Variants in AOAH observed in about 807,000 individuals in gnomAD.
AOAH encodes the protein acyloxyacyl hydrolase (neutrophil).
In AOAH, 64 loss-of-function variants were observed where a neutral mutation model predicts 92.2. The observed-to-expected ratio is 0.69, with a 90% CI of 0.57 to 0.86. The LOEUF (loss-of-function observed/expected upper bound fraction) is 0.86. AOAH is among the 40% of genes least tolerant of loss of function. The pLI, the probability that AOAH is intolerant of heterozygous loss-of-function variation, is 0.00. For missense variants in AOAH, 656 were observed against 694.6 expected, an observed-to-expected ratio of 0.94 and a Z score of 0.62; for synonymous variants, 263 against 254.5, an observed-to-expected ratio of 1.03 and a Z score of -0.32.
intron 3 of AOAH, among the ~76,000 whole-genome samples, chr7:36,660,187 C>T (rs1795126118): frequency 6.6e-6 from 1 of 152,232 alleles, no homozygotes; most frequent in Admixed American, 6.5e-5. Context: ...AGCCCACTTG[C>T]ACCCAAGTGA....
chr7:36,632,191 G>A, intron 5 of AOAH, 85 bp from the exon 6 acceptor site: 2 of 1,135,116 alleles, frequency 1.8e-6, no homozygotes, highest in South Asian at 2.9e-5. Context: ...TGAACTTGAG[G>A]TTTCTGGATC....
chr7:36,608,342 AG>A (rs1791155257), intron 11 of AOAH, among the ~76,000 whole-genome samples: 1 of 152,136 alleles, frequency 6.6e-6, no homozygotes, highest in Admixed American at 6.5e-5. Context: ...TTGATTCTGG[AG>A]ATAAGTGACA....
intron 12 of AOAH, among the ~76,000 whole-genome samples, chr7:36,587,483 C>T (rs1038408507): frequency 6.6e-6 from 1 of 151,930 alleles, no homozygotes; most frequent in African/African-American, 2.4e-5. Context: ...TCTTTAATAC[C>T]TTGTTACGTT....
At chr7:36,657,708 A>G (rs1794973426) in intron 4 of AOAH, among the ~76,000 whole-genome samples, 1 of 152,182 alleles carries the variant, frequency 6.6e-6, no homozygotes, top group Non-Finnish European at 1.5e-5. Flanking sequence ...TTCCCACATG[A>G]AATCCTCCAA....
At chr7:36,711,746 C>T (rs1410774241) in intron 1 of AOAH, among the ~76,000 whole-genome samples, 1 of 152,128 alleles carries the variant, frequency 6.6e-6, no homozygotes, top group African/African-American at 2.4e-5. Context: ...CTGCCTGGCC[C>T]ATGAGGGTGG....
In AOAH at chr7:36,638,552, AAAGAACACTGTGTTTGTCTATT is replaced by A. The variant is rs577288076; in HGVS notation, c.391-664_391-643del. ...CCAGTAATGATTGCTGTGAAACTCC[AAAGAACACTGTGTTTGTCTATT>A]TGTGGAGGGGTGGGAGAAGAGTAAC... On this transcript the variant is annotated intron_variant, in intron 4 of 20. Coordinates refer to ENST00000617537, the MANE Select transcript of AOAH (RefSeq NM_001637.4). 7.2e-5 allele frequency among the ~76,000 whole-genome samples: 11 copies of A among 152,328 alleles called. No individual in the cohort carries two copies. The South Asian group carries it at 2.1e-3, about 29-fold the overall frequency.
chr7:36,665,592 G>C (rs1795480807), intron 3 of AOAH, among the ~76,000 whole-genome samples: 1 of 152,120 alleles, frequency 6.6e-6, no homozygotes, highest in African/African-American at 2.4e-5. Flanking sequence ...GAAAAGAGTG[G>C]TGAGAGAAGC....
chr7:36,627,159 A>G (rs538719287), intron 6 of AOAH, among the ~76,000 whole-genome samples: 1 of 152,162 alleles, frequency 6.6e-6, no homozygotes, highest in Non-Finnish European at 1.5e-5. Flanking sequence ...TAGGAGCTTG[A>G]CATGGGTAAG....
chr7:36,523,998 G>A (rs890426225), intron 19 of AOAH, among the ~76,000 whole-genome samples: 2 of 151,932 alleles, frequency 1.3e-5, no homozygotes, highest in South Asian at 2.1e-4. Context: ...AATCAGCAAC[G>A]ATGCAGAAAG....
At chr7:36,654,901 CTTAACTTCTCCAA>C (rs1329497017) in intron 4 of AOAH, among the ~76,000 whole-genome samples, 1 of 152,208 alleles carries the variant, frequency 6.6e-6, no homozygotes, top group East Asian at 1.9e-4. Flanking sequence ...GGGAAAATCC[CTTAACTTCTCCAA>C]GTCTCAAAAT....
intron 1 of AOAH, among the ~76,000 whole-genome samples, chr7:36,688,957 A>T (rs1389159146): frequency 6.6e-6 from 1 of 152,122 alleles, no homozygotes; most frequent in African/African-American, 2.4e-5. Flanking sequence ...ACACATATGT[A>T]TGTGTATATA....
At chr7:36,634,443 T>C (rs1210442636) in intron 5 of AOAH, among the ~76,000 whole-genome samples, 1 of 152,184 alleles carries the variant, frequency 6.6e-6, no homozygotes, top group Non-Finnish European at 1.5e-5. Flanking sequence ...ACGTACCCCC[T>C]GCTTGCTCAA....
At chr7:36,680,432 T>C (rs1562690375) in intron 2 of AOAH, among the ~76,000 whole-genome samples, 1 of 152,244 alleles carries the variant, frequency 6.6e-6, no homozygotes, top group Non-Finnish European at 1.5e-5. Flanking sequence ...AATACTTCAC[T>C]GAAAAATAAT....
chr7:36,616,002 C>A (rs1186026803), intron 11 of AOAH, among the ~76,000 whole-genome samples: 1 of 152,182 alleles, frequency 6.6e-6, no homozygotes, highest in Non-Finnish European at 1.5e-5. Context: ...AGGAGCCGAG[C>A]AGCCTGCTCT....
intron 4 of AOAH, among the ~76,000 whole-genome samples, chr7:36,644,094 G>A (rs1007297240): frequency 2.0e-5 from 3 of 152,234 alleles, no homozygotes; most frequent in African/African-American, 7.2e-5. Flanking sequence ...CTGTTACAAT[G>A]TAGGAGAGAA....
intron 6 of AOAH, among the ~76,000 whole-genome samples, chr7:36,623,948 A>G (rs1792460082): frequency 6.6e-6 from 1 of 152,218 alleles, no homozygotes; most frequent in African/African-American, 2.4e-5. Context: ...GGAGGCAGGA[A>G]ACATAAGGCC....
intron 20 of AOAH, among the ~76,000 whole-genome samples, chr7:36,521,122 C>A (rs547426540): frequency 1.3e-5 from 2 of 152,154 alleles, no homozygotes; most frequent in African/African-American, 4.8e-5. Context: ...AATCAGCCCT[C>A]CTGTGGCCTA....
chr7:36,684,257 C>G (rs550194794), intron 2 of AOAH, among the ~76,000 whole-genome samples: 4 of 152,050 alleles, frequency 2.6e-5, no homozygotes, highest in Non-Finnish European at 5.9e-5. Context: ...GGTCAAAGCT[C>G]GATGGGATCA....
intron 13 of AOAH, among the ~76,000 whole-genome samples, chr7:36,575,773 CG>C (rs1345187648): frequency 1.3e-5 from 2 of 152,162 alleles, no homozygotes; most frequent in African/African-American, 4.8e-5. Flanking sequence ...TTAGTTTAAA[CG>C]CTTGTTGCTT....
Sources: gnomAD v4.1 joint callset for allele counts (sites outside exome capture counted in the v4.1 genomes callset) on GRCh38, gnomAD v4.1.1 for gene constraint, MANE v1.5 for transcripts, NCBI Gene and HGNC (gene_info 2026-07-23, HGNC 2026-07-21) for gene names.